The following KLHL7 variants were observed in gnomAD, a reference collection of about 807,000 sequenced individuals.
KLHL7 encodes kelch-like protein 7.
A neutral mutation model predicts 67.4 loss-of-function variants in KLHL7; 44 were observed. The ratio of observed to expected loss-of-function variants is 0.65; its 90% CI spans 0.51 to 0.84. KLHL7 has a LOEUF of 0.84. Among genes scored for constraint, KLHL7 ranks in the 40% least tolerant of loss-of-function variants. The probability of loss-of-function intolerance (pLI) is 0.00; values close to 1 mark genes in which losing one functional copy is unlikely to be tolerated. For missense variants in KLHL7, 362 were observed against 718.1 expected (o/e 0.50, Z 5.67); for synonymous variants, 252 against 243.3 (o/e 1.04, Z -0.33).
intron 4 of KLHL7, among the ~76,000 whole-genome samples, chr7:23,136,773 T>G (rs1445758238): frequency 6.6e-6 from 1 of 152,182 alleles, no homozygotes; most frequent in African/African-American, 2.4e-5. Flanking sequence ...TTTAGAGATA[T>G]TAAAGGTAAA....
Position 23,175,208 on chromosome 7 carries a change from A to C in KLHL7, c.*910A>C, listed in dbSNP as rs567651709. 1 of 454,052 alleles carries C rather than the reference A, an allele frequency of 2.2e-6. No individual in the cohort carries two copies. Among genetic ancestry groups the C allele is most frequent in the African/African-American group, 2.0e-5 (1 of 50,114 alleles). 28.1% of individuals were successfully genotyped at this position (454,052 alleles called of 1,614,324 possible). A position where few individuals can be genotyped will look rare whatever the true frequency, so the allele number is the denominator to read the frequency against. On this transcript the variant is annotated 3_prime_UTR_variant, in exon 11 of 11. Transcript: ENST00000339077. ...CCTTAGCCAAAACATGAAATATTTA[A>C]CCTAGTTGTCTCTAAAAGTTTTGTA...
At chr7:23,151,873 A>G (rs2390757) in intron 6 of KLHL7, among the ~76,000 whole-genome samples, 194 bp from the exon 7 acceptor site, 54,499 of 145,676 alleles carry the variant, frequency 0.37, 10,094 homozygotes, top group African/African-American at 0.51. Context: ...GATTGCTGAG[A>G]ATAAATGAAT....
intron 9 of KLHL7, chr7:23,171,118 G>A (rs1785148048): frequency 3.4e-6 from 1 of 294,846 alleles, no homozygotes. Flanking sequence ...TGTTGGCCAG[G>A]ATGGCCTCCA....
At chr7:23,130,997 T>C (rs969359001) in intron 4 of KLHL7, among the ~76,000 whole-genome samples, 1 of 152,216 alleles carries the variant, frequency 6.6e-6, no homozygotes. Context: ...GAAAGAGTTA[T>C]TTATTCCTGA....
At chr7:23,168,140 G>A in intron 9 of KLHL7, 103 bp downstream of exon 9, 3 of 1,070,608 alleles carry the variant, frequency 2.8e-6, no homozygotes, top group Non-Finnish European at 4.2e-6. Context: ...TTTTGTCCTT[G>A]AGTGAAGAGT....
intron 4 of KLHL7, chr7:23,125,846 G>C: frequency 6.4e-7 from 1 of 1,550,458 alleles, no homozygotes; most frequent in Non-Finnish European, 8.7e-7. Flanking sequence ...ATGAATGAAC[G>C]TCCAGATGTT....
chr7:23,126,023 A>T (rs1783559088), intron 4 of KLHL7: 1 of 704,366 alleles, frequency 1.4e-6, no homozygotes, highest in Non-Finnish European at 2.5e-6. Flanking sequence ...AACAACAATA[A>T]TAATAAAATA....
chr7:23,119,646 C>T (rs1443711790), intron 1 of KLHL7, among the ~76,000 whole-genome samples: 1 of 152,216 alleles, frequency 6.6e-6, no homozygotes, highest in African/African-American at 2.4e-5. Flanking sequence ...CTAAACATGT[C>T]CTGTTCTCCA....
chr7:23,162,965 A>G (rs1055399136), intron 7 of KLHL7, among the ~76,000 whole-genome samples: 2 of 152,102 alleles, frequency 1.3e-5, no homozygotes, highest in African/African-American at 4.8e-5. Flanking sequence ...TAAAGTTCTC[A>G]GGTATTAAAA....
chr7:23,118,429 A>C (rs1053732758), intron 1 of KLHL7, among the ~76,000 whole-genome samples: 2 of 152,198 alleles, frequency 1.3e-5, no homozygotes, highest in Admixed American at 1.3e-4. Flanking sequence ...AGAGCAGCTG[A>C]TGAGCAGGAA....
intron 4 of KLHL7, chr7:23,125,783 G>A (rs1351048708): frequency 2.0e-6 from 3 of 1,521,078 alleles, no homozygotes; most frequent in Middle Eastern, 1.7e-4. Flanking sequence ...AAGTTGATCA[G>A]AGCCTTCCAG....
At chr7:23,129,762 C>T (rs1783726243) in intron 4 of KLHL7, 1 of 157,276 alleles carries the variant, frequency 6.4e-6, no homozygotes, top group African/African-American at 2.4e-5. Context: ...AGAGCAGAAA[C>T]CAACAAGATT....
chr7:23,168,109 C>G (rs1447337681), intron 9 of KLHL7, 72 bp downstream of exon 9: 6 of 1,411,318 alleles, frequency 4.3e-6, no homozygotes, highest in Non-Finnish European at 6.0e-6. Context: ...GTCAAAAGAC[C>G]AGAGGAACCC....
intron 1 of KLHL7, among the ~76,000 whole-genome samples, chr7:23,117,288 A>G (rs1188734199): frequency 6.6e-6 from 1 of 151,876 alleles, no homozygotes; most frequent in Non-Finnish European, 1.5e-5. Flanking sequence ...GGGTTTCGCC[A>G]TGTTGGCCAG....
At chr7:23,116,214 C>T (rs1025571133) in intron 1 of KLHL7, among the ~76,000 whole-genome samples, 1 of 152,174 alleles carries the variant, frequency 6.6e-6, no homozygotes, top group Non-Finnish European at 1.5e-5. Flanking sequence ...AATCCTGTCT[C>T]TTGGAGGGGT....
chr7:23,123,599 A>G (rs1386482860), intron 1 of KLHL7, among the ~76,000 whole-genome samples, 178 bp from the exon 2 acceptor site: 1 of 152,144 alleles, frequency 6.6e-6, no homozygotes, highest in Non-Finnish European at 1.5e-5. Flanking sequence ...TTTATACTAC[A>G]TGGCAGCGAC....
chr7:23,127,782 GA>G (rs1457140670), intron 4 of KLHL7, among the ~76,000 whole-genome samples: 1 of 152,066 alleles, frequency 6.6e-6, no homozygotes, highest in Non-Finnish European at 1.5e-5. Flanking sequence ...GCCGAGGCGG[GA>G]AAATCGTTTG....
chr7:23,160,569 G>A (rs1009067751), intron 7 of KLHL7, among the ~76,000 whole-genome samples: 19 of 152,148 alleles, frequency 1.2e-4, no homozygotes, highest in African/African-American at 4.3e-4. Context: ...GCTAAGAAAT[G>A]CCCATTTGTA....
At position 23,140,805 on chromosome 7, in the gene KLHL7, A is replaced by T; in HGVS notation, c.479A>T (p.Glu160Val). 6.2e-7 allele frequency: 1 copy of T among 1,613,920 alleles called. No homozygotes were observed. The highest frequency in any genetic ancestry group is 1.1e-5 in the South Asian group (1 of 91,076). The change falls in exon 5 of 11, where the codon GAA becomes GTA. Residue 160 changes from glutamate to valine, a missense_variant. By Grantham distance (121) the Glu-to-Val change is moderately radical (BLOSUM62 -2). Transcript: ENST00000339077. Reference sequence around the variant, plus strand: ...CTAGCGGAGTGTCTAGATTGTCCTGAATTGAAAGCAACTGCAGATGACTTT... The same window carrying T: ...CTAGCGGAGTGTCTAGATTGTCCTGTATTGAAAGCAACTGCAGATGACTTT... Reference protein sequence around the residue: ...SVLAECLDCPELKATADDFIH... With the variant: ...SVLAECLDCPVLKATADDFIH...
Sources: allele counts gnomAD v4.1 joint callset (sites outside exome capture counted in the v4.1 genomes callset), GRCh38; gene constraint gnomAD v4.1.1; transcripts MANE v1.5; gene names NCBI Gene and HGNC (gene_info 2026-07-23, HGNC 2026-07-21).